Variants in XPR1 observed in about 807,000 individuals in gnomAD.
XPR1 encodes solute carrier family 53 member 1.
XPR1 carries 28 observed loss-of-function variants against 87.5 expected under a neutral mutation model. The observed-to-expected ratio is 0.32, with a 90% CI of 0.24 to 0.44. The LOEUF (loss-of-function observed/expected upper bound fraction) is 0.44. Ranked by LOEUF, XPR1 falls within the 20% of genes least tolerant of loss-of-function variation. XPR1 has a pLI of 1.00. For synonymous variants in XPR1, 300 were observed against 306.1 expected (o/e 0.98, Z 0.21); for missense variants, 559 against 862.3 (o/e 0.65, Z 4.41).
At position 180,885,849 on chromosome 1, in the gene XPR1, C is replaced by T. The variant is rs192169032; in HGVS notation, c.*1783C>T. 3.9e-4 allele frequency: 60 copies of T among 152,332 alleles called. No homozygotes were observed. In the East Asian group the frequency reaches 0.01, roughly 25 times the overall value. 9.4% of individuals were successfully genotyped at this position (152,332 alleles called of 1,614,324 possible). On this transcript the variant is annotated 3_prime_UTR_variant, in exon 15 of 15. Coordinates refer to ENST00000367590, the MANE Select transcript of XPR1 (RefSeq NM_004736.4). ...TCTTGACCCATCCCTGTCGTAACTCCAGTAAAAGTTACTGTTACTAGAAAA... is the reference window on the plus strand; with the variant it reads ...TCTTGACCCATCCCTGTCGTAACTCTAGTAAAAGTTACTGTTACTAGAAAA...
chr1:180,781,111 G>C (rs990966618), intron 2 of XPR1, among the ~76,000 whole-genome samples: 3 of 151,264 alleles, frequency 2.0e-5, no homozygotes, highest in Non-Finnish European at 4.4e-5. Flanking sequence ...TTTTGTATCC[G>C]TGTGGGAGTC....
At chr1:180,845,113 AT>A (rs1294478416) in intron 11 of XPR1, among the ~76,000 whole-genome samples, 1 of 152,174 alleles carries the variant, frequency 6.6e-6, no homozygotes, top group Non-Finnish European at 1.5e-5. Context: ...AACATGAAAA[AT>A]TTTCCACTTT....
chr1:180,695,089 A>G (rs1382915521), intron 2 of XPR1, among the ~76,000 whole-genome samples: 1 of 152,078 alleles, frequency 6.6e-6, no homozygotes, highest in South Asian at 2.1e-4. Flanking sequence ...TAGTTATTCT[A>G]ACTGGGGTAA....
intron 2 of XPR1, among the ~76,000 whole-genome samples, chr1:180,687,592 C>G (rs573837134): frequency 2.6e-5 from 4 of 152,138 alleles, no homozygotes; most frequent in South Asian, 2.1e-4. Context: ...AGTAAGTCAA[C>G]AAAACAATTT....
intron 1 of XPR1, among the ~76,000 whole-genome samples, chr1:180,642,069 A>C (rs1198191877): frequency 6.6e-6 from 1 of 152,180 alleles, no homozygotes; most frequent in Non-Finnish European, 1.5e-5. Context: ...TGGGTAAATT[A>C]ATGATGTTAT....
At chr1:180,741,105 A>C (rs1470181815) in intron 2 of XPR1, among the ~76,000 whole-genome samples, 1 of 127,024 alleles carries the variant, frequency 7.9e-6, no homozygotes, top group Admixed American at 8.0e-5. Flanking sequence ...GATTGTATAG[A>C]GTTGGTATCA....
intron 2 of XPR1, among the ~76,000 whole-genome samples, chr1:180,768,701 TA>T (rs1451318755): frequency 6.6e-6 from 1 of 152,230 alleles, no homozygotes; most frequent in African/African-American, 2.4e-5. Flanking sequence ...CATTTAGCTG[TA>T]AATTGTATAA....
At chr1:180,841,250 T>G (rs1651505097) in intron 11 of XPR1, among the ~76,000 whole-genome samples, 1 of 152,186 alleles carries the variant, frequency 6.6e-6, no homozygotes, top group African/African-American at 2.4e-5. Context: ...CTAAGCTGTA[T>G]CCTATTGTTT....
At chr1:180,651,665 T>C (rs1380070800) in intron 1 of XPR1, among the ~76,000 whole-genome samples, 1 of 152,204 alleles carries the variant, frequency 6.6e-6, no homozygotes, top group African/African-American at 2.4e-5. Context: ...GTGTTTGTAG[T>C]GTATTAGCCT....
chr1:180,663,143 T>G (rs1413184045), intron 1 of XPR1, among the ~76,000 whole-genome samples: 1 of 152,242 alleles, frequency 6.6e-6, no homozygotes, highest in African/African-American at 2.4e-5. Flanking sequence ...CCTTATTTAG[T>G]TCCTTTGGTG....
intron 2 of XPR1, among the ~76,000 whole-genome samples, chr1:180,712,573 C>T (rs867107523): frequency 9.9e-5 from 15 of 152,068 alleles, no homozygotes; most frequent in African/African-American, 2.7e-4. Flanking sequence ...TTTGGGAGGC[C>T]GAGACAGTGG....
At chr1:180,774,384 C>CTTTTTTTTTTTTT (rs71121051) in intron 2 of XPR1, among the ~76,000 whole-genome samples, 1 of 68,900 alleles carries the variant, frequency 1.5e-5, no homozygotes, top group Non-Finnish European at 2.7e-5. Context: ...TCTTTCCTAT[C>CTTTTTTTTTTTTT]TTTTTTTTTT....
Position 180,787,868 on chromosome 1 carries a change from A to T in XPR1, c.223+14A>T, listed in dbSNP as rs758682496. The stretch of plus-strand genomic sequence containing the variant: ...CATTTTATTCAGGTGAGTAATTAAG[A>T]GACTTTTTTTTTTGCTGCCGGGGAA... On this transcript the variant is annotated intron_variant, in intron 3 of 14. Transcript: ENST00000367590. The T allele has an allele frequency of 6.3e-7, 1 of 1,579,884 alleles. No individual in the cohort carries two copies. Among genetic ancestry groups the T allele is most frequent in the East Asian group, 2.2e-5 (1 of 44,630 alleles).
chr1:180,818,362 T>C (rs1650490614), intron 7 of XPR1, among the ~76,000 whole-genome samples: 1 of 151,874 alleles, frequency 6.6e-6, no homozygotes, highest in Non-Finnish European at 1.5e-5. Context: ...ACATATTTGC[T>C]TACTAACACA....
At chr1:180,809,852 G>C (rs1650145184) in intron 6 of XPR1, among the ~76,000 whole-genome samples, 1 of 152,020 alleles carries the variant, frequency 6.6e-6, no homozygotes, top group South Asian at 2.1e-4. Context: ...GAAACTAAAG[G>C]TAACTTTTTA....
At chr1:180,655,400 C>CT (rs994780324) in intron 1 of XPR1, among the ~76,000 whole-genome samples, 1,866 of 131,400 alleles carry the variant, frequency 0.014, 29 homozygotes, top group African/African-American at 0.032. Flanking sequence ...CTCTCTCTCT[C>CT]TTTTTTTTTT....
intron 1 of XPR1, among the ~76,000 whole-genome samples, chr1:180,643,476 G>T (rs1319017144): frequency 6.6e-6 from 1 of 152,102 alleles, no homozygotes; most frequent in Admixed American, 6.6e-5. Context: ...CCTACTATTT[G>T]TCAGACAGAG....
At chr1:180,872,902 T>C (rs1026205755) in intron 12 of XPR1, among the ~76,000 whole-genome samples, 1 of 152,004 alleles carries the variant, frequency 6.6e-6, no homozygotes, top group African/African-American at 2.4e-5. Flanking sequence ...AAGAAGTAGC[T>C]ACAAATTTTG....
intron 1 of XPR1, among the ~76,000 whole-genome samples, chr1:180,674,180 T>C (rs1656286893): frequency 6.6e-6 from 1 of 152,260 alleles, no homozygotes; most frequent in Non-Finnish European, 1.5e-5. Flanking sequence ...TCACTATTCC[T>C]GTTTTACAGA....
Sources: gnomAD v4.1 joint callset for allele counts (sites outside exome capture counted in the v4.1 genomes callset) on GRCh38, gnomAD v4.1.1 for gene constraint, MANE v1.5 for transcripts, NCBI Gene and HGNC (gene_info 2026-07-23, HGNC 2026-07-21) for gene names.